The following HECW2 variants were observed in gnomAD, a reference collection of about 807,000 sequenced individuals.
The protein encoded by HECW2 is HECT, C2 and WW domain containing E3 ubiquitin protein ligase 2, also known as E3 ubiquitin-protein ligase HECW2.
HECW2 carries 61 observed loss-of-function variants against 175.2 expected under a neutral mutation model. The observed-to-expected ratio is 0.35, with a 90% CI of 0.28 to 0.43. The LOEUF (loss-of-function observed/expected upper bound fraction) is 0.43, where lower values mean the gene tolerates loss of function less well. HECW2 is among the 20% of genes least tolerant of loss of function. The pLI, the probability that HECW2 is intolerant of heterozygous loss-of-function variation, is 1.00. For missense variants in HECW2, 1,524 were observed against 2,000.5 expected (o/e 0.76, Z 4.54); for synonymous variants, 671 against 731.0 (o/e 0.92, Z 1.32).
intron 1 of HECW2, among the ~76,000 whole-genome samples, chr2:196,523,949 T>C (rs1269906492): frequency 6.6e-6 from 1 of 152,196 alleles, no homozygotes; most frequent in Non-Finnish European, 1.5e-5. Context: ...TTTTTGATTG[T>C]GTCTCTGCCC....
At chr2:196,454,222 T>G (rs1477681623) in intron 1 of HECW2, among the ~76,000 whole-genome samples, 3 of 152,178 alleles carry the variant, frequency 2.0e-5, no homozygotes. Flanking sequence ...GCCAGATTTA[T>G]ACATGCATAA....
In HECW2 at chr2:196,399,088, CA is replaced by C. The variant is rs1372177432; in HGVS notation, c.292+34043del. Among the ~76,000 whole-genome samples the C allele has an allele frequency of 3.3e-5, 5 of 152,308 alleles. No homozygotes were observed. The East Asian group carries it at 9.6e-4, about 29-fold the overall frequency. On this transcript the variant is annotated intron_variant, in intron 2 of 28. Transcript: ENST00000644978. ...CAATTCATGATGACATATTGGCCCC[CA>C]AAATCTATTCTTAATCTCCAGAGCT...
At chr2:196,273,959 A>C (rs1559001541) in intron 16 of HECW2, 62 bp downstream of exon 16, 3 of 1,183,144 alleles carry the variant, frequency 2.5e-6, no homozygotes, top group Non-Finnish European at 2.5e-6. Flanking sequence ...GTATCAGCAC[A>C]GTGTACATGG....
chr2:196,332,899 T>C (rs1042926710), intron 4 of HECW2, among the ~76,000 whole-genome samples: 1 of 152,202 alleles, frequency 6.6e-6, no homozygotes, highest in East Asian at 1.9e-4. Context: ...AAGTCTTATA[T>C]AGTAAATGTA....
chr2:196,365,691 T>C (rs140066648), intron 2 of HECW2, among the ~76,000 whole-genome samples: 5 of 152,344 alleles, frequency 3.3e-5, no homozygotes, highest in Admixed American at 6.5e-5. Flanking sequence ...CCCAAGTTGA[T>C]ACATGTGTAC....
chr2:196,496,500 A>C (rs1044086859), intron 1 of HECW2, among the ~76,000 whole-genome samples: 48 of 152,186 alleles, frequency 3.2e-4, no homozygotes, highest in African/African-American at 1.1e-3. Flanking sequence ...GACTAATCTC[A>C]AACATTTTTT....
At chr2:196,240,399 C>T (rs1163879158) in intron 21 of HECW2, 50 bp downstream of exon 21, 5 of 1,325,960 alleles carry the variant, frequency 3.8e-6, no homozygotes, top group Admixed American at 2.4e-5. Context: ...GAAACATCCG[C>T]CTTGTGGCCA....
intron 2 of HECW2, among the ~76,000 whole-genome samples, chr2:196,426,388 T>C (rs1304900421): frequency 1.3e-5 from 2 of 152,178 alleles, no homozygotes; most frequent in Admixed American, 6.5e-5. Context: ...TTCCCTTTTC[T>C]CCAAATGTCA....
intron 1 of HECW2, among the ~76,000 whole-genome samples, chr2:196,475,311 T>G (rs1231774190): frequency 1.0e-4 from 12 of 116,178 alleles, no homozygotes; most frequent in African/African-American, 2.0e-4. Context: ...GAGAAGGGAG[T>G]GGGGAGAATA....
intron 1 of HECW2, among the ~76,000 whole-genome samples, chr2:196,506,828 ATAC>A (rs1321298088): frequency 6.6e-6 from 1 of 152,160 alleles, no homozygotes; most frequent in Non-Finnish European, 1.5e-5. Context: ...CATTCTGCCA[ATAC>A]TTGGTACTGG....
chr2:196,276,026 T>C (rs529098898), intron 15 of HECW2, among the ~76,000 whole-genome samples: 1 of 152,334 alleles, frequency 6.6e-6, no homozygotes, highest in Admixed American at 6.5e-5. Flanking sequence ...GATCACTAAG[T>C]ACAGATTGTT....
chr2:196,295,117 G>A (rs1019159339), intron 13 of HECW2, among the ~76,000 whole-genome samples: 4 of 152,094 alleles, frequency 2.6e-5, no homozygotes, highest in African/African-American at 9.7e-5. Flanking sequence ...TATTTCAACC[G>A]ACAGGCTAAA....
rs112413949 is a variant in HECW2, at chr2:196,554,036, C to T, written c.-36+39472G>A. On this transcript the variant is annotated intron_variant, in intron 1 of 28. Coordinates refer to ENST00000644978, the MANE Select transcript of HECW2 (RefSeq NM_001348768.2). ...TGATATCTAGGATAGGGCTGGAGGG[C>T]TTCTCTTAAAAAGATTTTTGGGCCG... Among the ~76,000 whole-genome samples the T allele has an allele frequency of 2.9e-3, 444 of 152,318 alleles. 1 individual carries two copies. Among genetic ancestry groups the T allele is most frequent in the African/African-American group, 0.01 (420 of 41,592 alleles).
chr2:196,433,225 C>T lies in HECW2; in HGVS notation c.199G>A (p.Glu67Lys). 4 of 1,614,092 alleles carry T rather than the reference C, an allele frequency of 2.5e-6. No homozygotes were observed. Among genetic ancestry groups the T allele is most frequent in the Non-Finnish European group, 3.4e-6 (4 of 1,179,944 alleles). ...SRSSLTASMY[E>K]YTLGQAQNLI... ...TTCTGGGCTTGCCCCAGCGTGTACT[C>T]GTACATGCTGGCAGTTAAGCTGGAG... Residue 67 changes from glutamate to lysine, a missense_variant, in exon 2 of 29, where the codon GAG becomes AAG. Coordinates refer to ENST00000644978, the MANE Select transcript of HECW2 (RefSeq NM_001348768.2).
chr2:196,310,485 G>T (rs937486975), intron 10 of HECW2, among the ~76,000 whole-genome samples: 2 of 152,198 alleles, frequency 1.3e-5, no homozygotes, highest in African/African-American at 4.8e-5. Flanking sequence ...GGCAGCAGAG[G>T]TGCCTGCAGG....
intron 1 of HECW2, among the ~76,000 whole-genome samples, chr2:196,564,663 G>A (rs1195159985): frequency 6.6e-6 from 1 of 151,914 alleles, no homozygotes; most frequent in Non-Finnish European, 1.5e-5. Context: ...GAGGGAAAGA[G>A]GAAATATTTT....
chr2:196,319,853 C>A lies in HECW2; in HGVS notation c.1037G>T (p.Gly346Val). 1 of 1,613,836 alleles carries A rather than the reference C, an allele frequency of 6.2e-7. No individual in the cohort carries two copies. Among genetic ancestry groups the A allele is most frequent in the Non-Finnish European group, 8.5e-7 (1 of 1,179,760 alleles). ...GTCATCGGAAGGGCTACCTAAGTCT[C>A]CATTCACAGAATTGACTCCAAGTAT... ...GTILGVNSVN[G>V]DLGSPSDDED... is the part of the protein sequence containing the mutation. The change falls in exon 9 of 29, where the codon GGA (glycine) becomes GTA (valine). Residue 346 changes from glycine (G) to valine (V), a missense_variant. By Grantham distance (109) the Gly-to-Val change is moderately radical (BLOSUM62 -3). Transcript: ENST00000644978.
At chr2:196,244,815 G>T (rs578135509) in intron 19 of HECW2, among the ~76,000 whole-genome samples, 1 of 152,266 alleles carries the variant, frequency 6.6e-6, no homozygotes, top group Non-Finnish European at 1.5e-5. Context: ...GAGGAGTGCT[G>T]GGAGTAAATG....
intron 18 of HECW2, among the ~76,000 whole-genome samples, chr2:196,254,834 CTTACA>C (rs1453248868): frequency 1.3e-5 from 2 of 152,228 alleles, no homozygotes; most frequent in African/African-American, 4.8e-5. Context: ...TGAAACTACA[CTTACA>C]TTACTAGCAT....
Sources: gnomAD v4.1 joint callset for allele counts (sites outside exome capture counted in the v4.1 genomes callset) on GRCh38, gnomAD v4.1.1 for gene constraint, MANE v1.5 for transcripts, NCBI Gene and HGNC (gene_info 2026-07-23, HGNC 2026-07-21) for gene names.